Variants in TANC2 observed in about 807,000 individuals in gnomAD.
TANC2 encodes tetratricopeptide repeat, ankyrin repeat and coiled-coil containing 2.
TANC2 carries 26 observed loss-of-function variants against 210.5 expected under a neutral mutation model. That is an observed-to-expected ratio of 0.12 (90% confidence interval 0.09 to 0.17). TANC2 has a LOEUF of 0.17. Ranked by LOEUF, TANC2 falls within the 10% of genes least tolerant of loss-of-function variation. TANC2 has a pLI of 1.00. For missense variants in TANC2, 2,129 were observed against 2,608.9 expected (o/e 0.82, Z 4.01); for synonymous variants, 931 against 967.1 (o/e 0.96, Z 0.69).
chr17:63,420,666 G>T lies in TANC2; in HGVS notation c.4936G>T (p.Val1646Leu), dbSNP rs368956259. ...CTATAGATCCCAGTCTGGTTCACCC[G>T]TGCGCTATCAGCAGGAAACAAGCGT... Residue 1646 changes from valine to leucine, a missense_variant, in exon 28 of 28, where the codon GTG becomes TTG. Val to Leu is a conservative substitution (Grantham distance 32, BLOSUM62 1). This residue lies in a region of TANC2 where 584 missense variants were observed against 627.3 expected (regional missense o/e 0.93). Transcript: ENST00000689528. This position sits in a 1 kb window ranked among gnomAD's most constrained non-coding sequence, Gnocchi z 4.2. 6.2e-7 allele frequency: 1 copy of T among 1,613,530 alleles called. No homozygotes were observed. The highest frequency in any genetic ancestry group is 8.5e-7 in the Non-Finnish European group (1 of 1,179,740).
intron 4 of TANC2, among the ~76,000 whole-genome samples, chr17:63,129,820 G>A (rs570350996): frequency 4.6e-4 from 70 of 151,988 alleles, no homozygotes; most frequent in Non-Finnish European, 7.4e-4. Context: ...CATATGATGA[G>A]CACTGAATAT....
intron 6 of TANC2, among the ~76,000 whole-genome samples, chr17:63,200,372 A>G (rs1262297153): frequency 2.0e-5 from 3 of 150,962 alleles, no homozygotes; most frequent in Non-Finnish European, 3.0e-5. Flanking sequence ...AAAAAAAAAA[A>G]AAAAGAAAGA....
intron 2 of TANC2, among the ~76,000 whole-genome samples, chr17:63,067,770 G>C (rs1191708199): frequency 6.6e-6 from 1 of 152,044 alleles, no homozygotes; most frequent in African/African-American, 2.4e-5. Context: ...CTAAACAATA[G>C]AGAGAAAAGC....
At chr17:63,391,276 A>G (rs927463283) in intron 17 of TANC2, 1 of 152,156 alleles carries the variant, frequency 6.6e-6, no homozygotes, top group African/African-American at 2.4e-5. Flanking sequence ...AGAGTCCTCT[A>G]TACTGGCTAC....
chr17:63,119,531 G>A (rs1047558948), intron 4 of TANC2, among the ~76,000 whole-genome samples: 3 of 151,900 alleles, frequency 2.0e-5, no homozygotes, highest in Admixed American at 6.6e-5. Flanking sequence ...CATCTATAAC[G>A]GATCAAATAA....
chr17:63,090,215 G>GTT (rs56746099), intron 3 of TANC2, among the ~76,000 whole-genome samples: 2,040 of 140,574 alleles, frequency 0.015, 29 homozygotes, highest in African/African-American at 0.034. Context: ...TTTTTTTTGA[G>GTT]TTTTTTTTTT....
At chr17:63,283,141 TC>T (rs1264081484) in intron 9 of TANC2, among the ~76,000 whole-genome samples, 2 of 152,050 alleles carry the variant, frequency 1.3e-5, no homozygotes, top group African/African-American at 4.8e-5. Context: ...AAGATATGTG[TC>T]AACATTCTTT....
Position 63,412,583 on chromosome 17 carries a change from GC to G in TANC2, c.3899-95del. 1 of 1,174,682 alleles carries G rather than the reference GC, an allele frequency of 8.5e-7. No individual in the cohort carries two copies. Among genetic ancestry groups the G allele is most frequent in the East Asian group, 2.5e-5 (1 of 39,244 alleles). 72.8% of individuals were successfully genotyped at this position (1,174,682 alleles called of 1,614,324 possible). A position where few individuals can be genotyped will look rare whatever the true frequency, so the allele number is the denominator to read the frequency against. ...CTGATATGCTGGCTTTGTGCTGCCT[GC>G]CTCTCACTGCTGCTTTTTCCTTCTT... On this transcript the variant is annotated intron_variant, in intron 23 of 27. Coordinates refer to ENST00000689528, the Ensembl canonical transcript of TANC2. This position sits in a 1 kb window ranked among gnomAD's most constrained non-coding sequence, Gnocchi z 4.2.
At chr17:63,165,819 T>C (rs2040192632) in intron 5 of TANC2, among the ~76,000 whole-genome samples, 1 of 152,208 alleles carries the variant, frequency 6.6e-6, no homozygotes, top group African/African-American at 2.4e-5. Flanking sequence ...TATGGAAATA[T>C]AACACTGCAG....
chr17:63,085,716 A>G (rs2036938363), intron 3 of TANC2, among the ~76,000 whole-genome samples: 1 of 152,138 alleles, frequency 6.6e-6, no homozygotes, highest in Non-Finnish European at 1.5e-5. Flanking sequence ...TATATTATAC[A>G]TATACACATA....
Position 63,142,138 on chromosome 17 carries a change from C to CT in TANC2, c.323-9129dup, listed in dbSNP as rs778221252. Among the ~76,000 whole-genome samples the CT allele has an allele frequency of 4.4e-4, 67 of 152,288 alleles. 1 individual carries two copies. The highest frequency in any genetic ancestry group is 3.8e-4 in the Non-Finnish European group (26 of 68,020). On this transcript the variant is annotated intron_variant, in intron 4 of 27. Coordinates refer to ENST00000689528, the Ensembl canonical transcript of TANC2. ...AAGTCACTTGCTCCTGTCCCAACTT[C>CT]TTTCTTAATTTTCTGGTGGAGTTTG...
intron 9 of TANC2, among the ~76,000 whole-genome samples, chr17:63,297,669 C>T (rs1484606605): frequency 6.6e-6 from 1 of 152,032 alleles, no homozygotes; most frequent in Non-Finnish European, 1.5e-5. Context: ...TTAGCTATGA[C>T]ACCAAAAGCA....
chr17:63,341,412 A>G (rs953380309), intron 12 of TANC2, among the ~76,000 whole-genome samples: 3 of 152,176 alleles, frequency 2.0e-5, no homozygotes, highest in Admixed American at 6.5e-5. Flanking sequence ...ACTTGGCTCA[A>G]TTGTTTCTAG....
intron 4 of TANC2, among the ~76,000 whole-genome samples, chr17:63,109,728 T>C (rs1171608207): frequency 6.6e-6 from 1 of 151,752 alleles, no homozygotes; most frequent in Non-Finnish European, 1.5e-5. Flanking sequence ...ACAGTCTCTG[T>C]GTGAACACTT....
rs566356685 is a variant in TANC2 at position 63,240,399 on chromosome 17, GTCT to G, written c.1033+2328_1033+2330del. Reference sequence around the variant, plus strand: ...CTTAACATCAACATTGTGTATTACTGTCTTCTTCCTACTTACTCCCCATTATAT... The same window carrying G: ...CTTAACATCAACATTGTGTATTACTGTCTTCCTACTTACTCCCCATTATAT... On this transcript the variant is annotated intron_variant, in intron 8 of 27. Transcript: ENST00000689528. Among the ~76,000 whole-genome samples the G allele has an allele frequency of 2.2e-3, 334 of 152,256 alleles. 3 individuals carry two copies. The highest frequency in any genetic ancestry group is 6.4e-3 in the South Asian group (31 of 4,830).
intron 7 of TANC2, among the ~76,000 whole-genome samples, chr17:63,230,208 T>C (rs901591025): frequency 9.2e-5 from 14 of 152,192 alleles, no homozygotes; most frequent in African/African-American, 3.1e-4. Flanking sequence ...CCATCCATTT[T>C]ATTAATTTTT....
chr17:63,205,771 A>G (rs915202431), intron 7 of TANC2, among the ~76,000 whole-genome samples: 2 of 151,960 alleles, frequency 1.3e-5, no homozygotes, highest in Non-Finnish European at 2.9e-5. Context: ...TATAAAAATT[A>G]GGCATGGTGG....
At chr17:63,196,315 A>G (rs2041344223) in intron 6 of TANC2, among the ~76,000 whole-genome samples, 1 of 152,192 alleles carries the variant, frequency 6.6e-6, no homozygotes, top group Admixed American at 6.5e-5. Flanking sequence ...TAAAATTGGG[A>G]GCAATAAAAC....
chr17:63,333,641 T>C (rs1162403580), intron 11 of TANC2, among the ~76,000 whole-genome samples: 1 of 152,222 alleles, frequency 6.6e-6, no homozygotes, highest in African/African-American at 2.4e-5. Context: ...GAGGATTAAC[T>C]CCAGCTTTGA....
Sources: gnomAD v4.1 joint callset for allele counts (sites outside exome capture counted in the v4.1 genomes callset) on GRCh38, gnomAD v4.1.1 for gene constraint, gnomAD v4.1.1 regional missense constraint, Gnocchi (gnomAD v3.1) non-coding constraint, MANE v1.5 for transcripts, NCBI Gene and HGNC (gene_info 2026-07-23, HGNC 2026-07-21) for gene names.